Variants in UST observed in about 807,000 individuals in gnomAD.
UST encodes uronyl 2-sulfotransferase.
A neutral mutation model predicts 45.6 loss-of-function variants in UST; 21 were observed. That is an observed-to-expected ratio of 0.46 (90% CI 0.33 to 0.66). The LOEUF is 0.66. Among genes scored for constraint, UST ranks in the 30% least tolerant of loss-of-function variants. UST has a pLI of 0.02. For missense variants in UST, 463 were observed against 512.4 expected (o/e 0.90, Z 0.93); for synonymous variants, 215 against 200.6 (o/e 1.07, Z -0.61).
intron 1 of UST, among the ~76,000 whole-genome samples, chr6:148,777,311 A>C (rs1776553293): frequency 6.6e-6 from 1 of 152,250 alleles, no homozygotes; most frequent in African/African-American, 2.4e-5. Context: ...TAAGTAAATA[A>C]GATTTAATTG....
intron 7 of UST, among the ~76,000 whole-genome samples, chr6:149,073,147 G>T (rs999789307): frequency 6.6e-6 from 1 of 151,978 alleles, no homozygotes; most frequent in Non-Finnish European, 1.5e-5. Flanking sequence ...ATTTACAAGG[G>T]TTAAAATTAT....
At chr6:148,881,061 G>A (rs1168817326) in intron 1 of UST, among the ~76,000 whole-genome samples, 1 of 151,952 alleles carries the variant, frequency 6.6e-6, no homozygotes, top group Admixed American at 6.6e-5. Context: ...CGTTAGTGTA[G>A]TGTTGTTGGT....
intron 1 of UST, 39 bp downstream of exon 1, chr6:148,747,716 C>T: frequency 6.5e-7 from 1 of 1,535,686 alleles, no homozygotes; most frequent in South Asian, 1.2e-5. Context: ...GCGCCGACAG[C>T]GCAAAGTTGT....
chr6:148,997,683 G>T (rs977674812), intron 5 of UST, among the ~76,000 whole-genome samples: 1 of 152,096 alleles, frequency 6.6e-6, no homozygotes, highest in African/African-American at 2.4e-5. Context: ...TTTTTTCTGG[G>T]ATTTTTTTGT....
intron 7 of UST, among the ~76,000 whole-genome samples, chr6:149,042,313 C>T (rs1458589935): frequency 6.6e-6 from 1 of 152,116 alleles, no homozygotes; most frequent in Non-Finnish European, 1.5e-5. Flanking sequence ...AAATTTGGTG[C>T]ACTAAAAATA....
Position 148,748,138 on chromosome 6 carries a change from T to G in UST, c.247+461T>G, listed in dbSNP as rs1413561476. 6.6e-6 allele frequency among the ~76,000 whole-genome samples: 1 copy of G among 152,174 alleles called. No homozygotes were observed. The highest frequency in any genetic ancestry group is 1.5e-5 in the Non-Finnish European group (1 of 68,028). ...GGGAGTGTGGGTGGGTTTAGCCCTT[T>G]GCCACCGTCCGCTCTGAGAATTCTG... On this transcript the variant is annotated intron_variant, in intron 1 of 7. Transcript: ENST00000367463. This position sits in a 1 kb window ranked among gnomAD's most constrained non-coding sequence, Gnocchi z 5.3.
chr6:149,055,836 A>T (rs1776554239), intron 7 of UST, among the ~76,000 whole-genome samples: 3 of 152,120 alleles, frequency 2.0e-5, no homozygotes, highest in Admixed American at 2.0e-4. Context: ...CTTCTCTTCC[A>T]TCTGACATCA....
intron 7 of UST, among the ~76,000 whole-genome samples, chr6:149,030,215 C>T (rs1408149226): frequency 6.6e-6 from 1 of 152,210 alleles, no homozygotes; most frequent in Non-Finnish European, 1.5e-5. Context: ...ATTCACGCTT[C>T]TGTCCCCAGG....
chr6:148,889,328 T>C (rs1025168924), intron 2 of UST, among the ~76,000 whole-genome samples: 7 of 152,252 alleles, frequency 4.6e-5, no homozygotes, highest in Non-Finnish European at 1.0e-4. Flanking sequence ...GAGAGAGTGA[T>C]ATGGCTATTA....
intron 1 of UST, among the ~76,000 whole-genome samples, chr6:148,777,342 C>A (rs566545987): frequency 6.6e-6 from 1 of 152,308 alleles, no homozygotes; most frequent in Non-Finnish European, 1.5e-5. Context: ...TTTTCAGTTT[C>A]TCTCAGATAA....
intron 1 of UST, among the ~76,000 whole-genome samples, chr6:148,829,300 T>C (rs1487213186): frequency 4.6e-5 from 7 of 152,228 alleles, no homozygotes; most frequent in African/African-American, 1.2e-4. Context: ...GCTGTAACCA[T>C]GCATATGGCT....
intron 7 of UST, among the ~76,000 whole-genome samples, chr6:149,034,017 T>TG (rs1042089308): frequency 5.9e-5 from 9 of 152,160 alleles, no homozygotes; most frequent in African/African-American, 2.2e-4. Flanking sequence ...CTTGATTTAC[T>TG]GGGGTCATGA....
At chr6:148,942,795 T>C (rs536447067) in intron 3 of UST, among the ~76,000 whole-genome samples, 7 of 152,220 alleles carry the variant, frequency 4.6e-5, no homozygotes, top group Non-Finnish European at 7.3e-5. Context: ...TTGTGTCTTT[T>C]ATAATACAGA....
chr6:149,016,288 G>A (rs140796149), intron 5 of UST, among the ~76,000 whole-genome samples: 4 of 152,326 alleles, frequency 2.6e-5, no homozygotes, highest in African/African-American at 9.6e-5. Flanking sequence ...GTTATTTGTG[G>A]ATTCCAATAG....
At chr6:148,869,484 C>T (rs1417394693) in intron 1 of UST, among the ~76,000 whole-genome samples, 1 of 152,124 alleles carries the variant, frequency 6.6e-6, no homozygotes. Context: ...TTCCACTGCT[C>T]TATTCAAAAC....
intron 2 of UST, among the ~76,000 whole-genome samples, chr6:148,919,450 T>C (rs1441373083): frequency 6.8e-6 from 1 of 147,412 alleles, no homozygotes; most frequent in Non-Finnish European, 1.5e-5. Flanking sequence ...GTGTGTACAC[T>C]TCTGTTGGTA....
chr6:149,039,692 T>C (rs1352963521), intron 7 of UST, among the ~76,000 whole-genome samples: 1 of 152,092 alleles, frequency 6.6e-6, no homozygotes, highest in Non-Finnish European at 1.5e-5. Context: ...TCTATTTTTG[T>C]GATCAAACAA....
chr6:148,970,771 A>G (rs1450622691), intron 5 of UST, among the ~76,000 whole-genome samples: 1 of 152,144 alleles, frequency 6.6e-6, no homozygotes, highest in African/African-American at 2.4e-5. Context: ...GCCATCTTCA[A>G]AGACACCAAC....
intron 7 of UST, among the ~76,000 whole-genome samples, chr6:149,067,129 TC>T (rs1776743473): frequency 6.6e-6 from 1 of 152,166 alleles, no homozygotes; most frequent in Non-Finnish European, 1.5e-5. Context: ...TAAATAATTC[TC>T]TTTGGGAACT....
Sources: gnomAD v4.1 joint callset for allele counts (sites outside exome capture counted in the v4.1 genomes callset) on GRCh38, gnomAD v4.1.1 for gene constraint, Gnocchi (gnomAD v3.1) non-coding constraint, MANE v1.5 for transcripts, NCBI Gene and HGNC (gene_info 2026-07-23, HGNC 2026-07-21) for gene names.